PANK3: variants seen among roughly 807,000 people sequenced by gnomAD.
PANK3 encodes hPanK3.
A neutral mutation model predicts 39.4 loss-of-function variants in PANK3; 20 were observed. That is an observed-to-expected ratio of 0.51 (90% confidence interval 0.36 to 0.74). The LOEUF (loss-of-function observed/expected upper bound fraction) is 0.74. PANK3 is among the 30% of genes least tolerant of loss of function. The pLI is 0.00. For synonymous variants in PANK3, 140 were observed against 157.3 expected, an observed-to-expected ratio of 0.89 and a Z score of 0.82; for missense variants, 265 against 437.0, an observed-to-expected ratio of 0.61 and a Z score of 3.51.
chr5:168,578,096 A>T (rs956579911), intron 1 of PANK3, among the ~76,000 whole-genome samples: 2 of 152,244 alleles, frequency 1.3e-5, no homozygotes, highest in African/African-American at 4.8e-5. Context: ...CTATGGGTGC[A>T]AGAGAAAGAA....
intron 3 of PANK3, among the ~76,000 whole-genome samples, chr5:168,565,399 A>G (rs1759508706): frequency 6.6e-6 from 1 of 152,192 alleles, no homozygotes; most frequent in Non-Finnish European, 1.5e-5. Context: ...AATCACATTA[A>G]TTCATCCTAT....
intron 2 of PANK3, among the ~76,000 whole-genome samples, chr5:168,566,876 G>C (rs1759543605): frequency 6.6e-6 from 1 of 152,090 alleles, no homozygotes; most frequent in South Asian, 2.1e-4. Flanking sequence ...TCAAGTAGCT[G>C]GGATTGCAGG....
chr5:168,574,368 TG>T (rs1179981390), intron 1 of PANK3, among the ~76,000 whole-genome samples: 8 of 152,190 alleles, frequency 5.3e-5, no homozygotes, highest in South Asian at 2.1e-4. Flanking sequence ...TGGGGTTGTT[TG>T]TTTTTTTAGT....
At chr5:168,559,441 TAAC>T (rs1759408805) in intron 5 of PANK3, among the ~76,000 whole-genome samples, 1 of 152,140 alleles carries the variant, frequency 6.6e-6, no homozygotes, top group Non-Finnish European at 1.5e-5. Context: ...TTATGGACTG[TAAC>T]ACATGATCAC....
chr5:168,566,294 A>G (rs759621172), intron 2 of PANK3, 28 bp from the exon 3 acceptor site: 1 of 1,555,174 alleles, frequency 6.4e-7, no homozygotes, highest in African/African-American at 1.4e-5. Flanking sequence ...CAAAAACAAA[A>G]AAGGATGACA....
At chr5:168,574,075 T>A (rs552370144) in intron 1 of PANK3, among the ~76,000 whole-genome samples, 1 of 150,744 alleles carries the variant, frequency 6.6e-6, no homozygotes, top group African/African-American at 2.5e-5. Flanking sequence ...TAGTTCTAGA[T>A]CCCTGAGGAA....
chr5:168,556,804 T>G lies in PANK3; in HGVS notation c.*767A>C, dbSNP rs1422204331. 3 of 152,614 alleles carry G rather than the reference T, an allele frequency of 2.0e-5. No homozygotes were observed. The highest frequency in any genetic ancestry group is 2.9e-5 in the Non-Finnish European group (2 of 68,022). 9.5% of individuals were successfully genotyped at this position (152,614 alleles called of 1,614,324 possible). On this transcript the variant is annotated 3_prime_UTR_variant, in exon 7 of 7. Coordinates refer to ENST00000239231, the MANE Select transcript of PANK3 (RefSeq NM_024594.4). Reference sequence around the variant, plus strand: ...AAGAGCACAGTGAACTCAAATCATATTCCATTACAATAGTCCCAGGACTTC... The same window carrying G: ...AAGAGCACAGTGAACTCAAATCATAGTCCATTACAATAGTCCCAGGACTTC...
Position 168,554,335 on chromosome 5 carries a change from T to A in PANK3, c.*3236A>T, listed in dbSNP as rs1759317539. 6.6e-6 allele frequency: 1 copy of A among 152,258 alleles called. No individual in the cohort carries two copies. The highest frequency in any genetic ancestry group is 2.1e-4 in the South Asian group (1 of 4,834). The allele number at this position is 152,258 out of a possible 1,614,324, so 9.4% of individuals were successfully genotyped here. On this transcript the variant is annotated 3_prime_UTR_variant, in exon 7 of 7. Coordinates refer to ENST00000239231, the MANE Select transcript of PANK3 (RefSeq NM_024594.4). ...TTGTTTACATTACACAAGGTAAGTA[T>A]CACTATGGGTTTTTTTGTTTACAGA...
At chr5:168,560,983 C>A (rs767153450) in intron 5 of PANK3, 6 of 497,512 alleles carry the variant, frequency 1.2e-5, no homozygotes, top group Non-Finnish European at 2.1e-5. Context: ...AAGAAAACTT[C>A]CAAGAATTTC....
At chr5:168,559,915 C>T (rs1431110781) in intron 5 of PANK3, among the ~76,000 whole-genome samples, 2 of 152,164 alleles carry the variant, frequency 1.3e-5, no homozygotes, top group African/African-American at 4.8e-5. Flanking sequence ...ATCATTCTCT[C>T]TCTGCAAAGA....
intron 5 of PANK3, among the ~76,000 whole-genome samples, chr5:168,560,406 A>G (rs1267462700): frequency 3.3e-5 from 5 of 152,046 alleles, no homozygotes; most frequent in Admixed American, 1.3e-4. Context: ...TAACCACTCA[A>G]TTACTTAGCA....
chr5:168,563,637 T>C (rs1214672693), intron 4 of PANK3, among the ~76,000 whole-genome samples: 1 of 151,538 alleles, frequency 6.6e-6, no homozygotes, highest in Admixed American at 6.6e-5. Flanking sequence ...AGTAAAAATA[T>C]GTATTTGTAT....
chr5:168,562,902 A>G (rs915001400), intron 4 of PANK3, among the ~76,000 whole-genome samples: 2 of 152,218 alleles, frequency 1.3e-5, no homozygotes, highest in African/African-American at 4.8e-5. Flanking sequence ...ATGCCTCTAT[A>G]AAGCTGAAAG....
chr5:168,571,159 A>G (rs1023505910), intron 1 of PANK3, among the ~76,000 whole-genome samples: 1 of 151,290 alleles, frequency 6.6e-6, no homozygotes, highest in African/African-American at 2.5e-5. Context: ...TCAGTTTTAC[A>G]ACGTGATTTC....
intron 1 of PANK3, 24 bp from the exon 2 acceptor site, chr5:168,569,022 A>ATATATATATATAT (rs1200735931): frequency 2.8e-6 from 1 of 361,124 alleles, no homozygotes; most frequent in African/African-American, 3.4e-5. Context: ...AAAAAAAAAA[A>ATATATATATATAT]AAAAAAAAAT....
At chr5:168,561,570 C>T (rs781706265) in intron 4 of PANK3, 54 bp from the exon 5 acceptor site, 40 of 1,437,368 alleles carry the variant, frequency 2.8e-5, no homozygotes, top group Admixed American at 4.7e-5. Flanking sequence ...CAACATTTTA[C>T]GTATTAACAG....
Position 168,553,624 on chromosome 5 carries a change from G to T in PANK3, c.*3947C>A, listed in dbSNP as rs1222085436. ...GTATGACTGTCTCAGGAGCACTGATGACTCCAATGTTGTAGCCAAACTGAA... is the reference window on the plus strand; with the variant it reads ...GTATGACTGTCTCAGGAGCACTGATTACTCCAATGTTGTAGCCAAACTGAA... On this transcript the variant is annotated 3_prime_UTR_variant, in exon 7 of 7. Transcript: ENST00000239231. 4 of 229,708 alleles carry T rather than the reference G, an allele frequency of 1.7e-5. No homozygotes were observed. Among genetic ancestry groups the T allele is most frequent in the Non-Finnish European group, 3.5e-5 (4 of 115,348 alleles). The allele number at this position is 229,708 out of a possible 1,614,324, so 14.2% of individuals were successfully genotyped here.
chr5:168,575,398 T>C (rs1582469303), intron 1 of PANK3, among the ~76,000 whole-genome samples: 1 of 152,216 alleles, frequency 6.6e-6, no homozygotes, highest in African/African-American at 2.4e-5. Context: ...AGACTGTTAA[T>C]TTCTAACAAG....
chr5:168,578,112 T>G (rs530739247), intron 1 of PANK3, among the ~76,000 whole-genome samples: 2 of 152,334 alleles, frequency 1.3e-5, no homozygotes, highest in African/African-American at 4.8e-5. Context: ...AAGAACACTG[T>G]ATTATGAGTC....
Sources: gnomAD v4.1 joint callset for allele counts (sites outside exome capture counted in the v4.1 genomes callset) on GRCh38, gnomAD v4.1.1 for gene constraint, MANE v1.5 for transcripts, NCBI Gene and HGNC (gene_info 2026-07-23, HGNC 2026-07-21) for gene names.